AFG2A: variants seen among roughly 807,000 people sequenced by gnomAD.
AFG2A encodes AAA ATPase AFG2A, also known as ATPase family gene 2 protein homolog A.
the AFG2A span, among the ~76,000 whole-genome samples, chr4:123,281,323 G>C: frequency 0.011 from 1,708 of 152,118 alleles, 30 homozygotes; most frequent in African/African-American, 0.038. Context: ...CAAATGGCTC[G>C]CAAAAATTCT....
chr4:123,090,420 A>C, the AFG2A span, among the ~76,000 whole-genome samples: 1 of 152,204 alleles, frequency 6.6e-6, no homozygotes, highest in East Asian at 1.9e-4. Flanking sequence ...GTTTGTTTTG[A>C]GATATGATAA....
At chr4:123,319,149 T>C in the AFG2A span, 1 of 152,240 alleles carries the variant, frequency 6.6e-6, no homozygotes, top group African/African-American at 2.4e-5. Context: ...AAACAGGTTT[T>C]AAAAATAATA....
chr4:123,161,550 A>G, the AFG2A span, among the ~76,000 whole-genome samples: 1 of 152,160 alleles, frequency 6.6e-6, no homozygotes, highest in African/African-American at 2.4e-5. Flanking sequence ...TATTTGAAGG[A>G]TGGTATCTTC....
chr4:123,197,508 G>A, the AFG2A span, among the ~76,000 whole-genome samples: 1 of 152,054 alleles, frequency 6.6e-6, no homozygotes, highest in African/African-American at 2.4e-5. Context: ...AGTGGCTCAC[G>A]CCTGTAATCC....
chr4:123,174,434 T>C, the AFG2A span, among the ~76,000 whole-genome samples: 7 of 148,746 alleles, frequency 4.7e-5, no homozygotes, highest in Admixed American at 4.7e-4. Flanking sequence ...AATAAGACTT[T>C]TGGGGAGCCT....
the AFG2A span, among the ~76,000 whole-genome samples, chr4:123,299,140 T>TGTGTGTGTGTGTGTGTG: frequency 8.6e-5 from 13 of 151,986 alleles, no homozygotes; most frequent in Admixed American, 4.6e-4. Context: ...TGTGTGTGTG[T>TGTGTGTGTGTGTGTGTG]GTGTGTGTGT....
At chr4:122,995,316 G>T in the AFG2A span, among the ~76,000 whole-genome samples, 3 of 151,844 alleles carry the variant, frequency 2.0e-5, no homozygotes, top group Non-Finnish European at 2.9e-5. Flanking sequence ...GGTTTCTTTT[G>T]ATTTGCTTCT....
the AFG2A span, chr4:122,979,464 C>T: frequency 6.9e-7 from 1 of 1,452,892 alleles, no homozygotes; most frequent in Non-Finnish European, 9.3e-7. Context: ...GGGAGACTGA[C>T]TTCCTAGGCT....
the AFG2A span, among the ~76,000 whole-genome samples, chr4:122,984,512 C>T: frequency 6.6e-6 from 1 of 152,170 alleles, no homozygotes; most frequent in Non-Finnish European, 1.5e-5. Context: ...TGAGAGTGAG[C>T]ATCCTTGTCT....
At chr4:123,232,401 G>A in the AFG2A span, among the ~76,000 whole-genome samples, 1 of 152,048 alleles carries the variant, frequency 6.6e-6, no homozygotes, top group Non-Finnish European at 1.5e-5. Context: ...AAAGCGAAGT[G>A]TGTTAAGAAC....
the AFG2A span, among the ~76,000 whole-genome samples, chr4:123,054,528 C>T: frequency 6.6e-6 from 1 of 151,880 alleles, no homozygotes; most frequent in African/African-American, 2.4e-5. Context: ...ACCATCCTGG[C>T]TAACACAGTG....
the AFG2A span, among the ~76,000 whole-genome samples, chr4:122,960,387 C>T: frequency 6.6e-6 from 1 of 152,186 alleles, no homozygotes; most frequent in African/African-American, 2.4e-5. Context: ...AAGATGCTTA[C>T]AACAATGTTT....
the AFG2A span, chr4:123,028,177 AT>A: frequency 5.0e-6 from 8 of 1,606,476 alleles, no homozygotes; most frequent in South Asian, 7.8e-5. Flanking sequence ...AAAATGTTCT[AT>A]TTTTCAGGTA....
the AFG2A span, among the ~76,000 whole-genome samples, chr4:123,129,421 A>G: frequency 6.6e-6 from 1 of 152,220 alleles, no homozygotes; most frequent in African/African-American, 2.4e-5. Flanking sequence ...GGTAATATTC[A>G]GCTGCAAGAG....
the AFG2A span, among the ~76,000 whole-genome samples, chr4:123,163,250 A>G: frequency 2.8e-4 from 43 of 152,314 alleles, no homozygotes; most frequent in Middle Eastern, 3.4e-3. Flanking sequence ...CCTGGCCAAC[A>G]TGGTGAAACC....
At chr4:123,163,968 C>G in the AFG2A span, among the ~76,000 whole-genome samples, 1 of 152,170 alleles carries the variant, frequency 6.6e-6, no homozygotes, top group Non-Finnish European at 1.5e-5. Flanking sequence ...ACCACTTAGA[C>G]CTGGTTTTTA....
the AFG2A span, among the ~76,000 whole-genome samples, chr4:123,299,642 C>G: frequency 1.3e-5 from 2 of 152,116 alleles, no homozygotes; most frequent in Non-Finnish European, 2.9e-5. Context: ...TGGTCTCTTT[C>G]CAATGATACT....
chr4:123,233,719 A>G, the AFG2A span, among the ~76,000 whole-genome samples: 1,693 of 149,138 alleles, frequency 0.011, 11 homozygotes, highest in African/African-American at 0.014. Flanking sequence ...ACATGGGTGT[A>G]TGTGTGTGTG....
At chr4:123,180,750 C>T in the AFG2A span, among the ~76,000 whole-genome samples, 2 of 152,106 alleles carry the variant, frequency 1.3e-5, no homozygotes, top group African/African-American at 4.8e-5. Flanking sequence ...GAAGTTTTAA[C>T]TAAACTTTAA....
Sources: allele counts gnomAD v4.1 joint callset (sites outside exome capture counted in the v4.1 genomes callset), GRCh38; gene constraint gnomAD v4.1.1; transcripts MANE v1.5; gene names NCBI Gene and HGNC (gene_info 2026-07-23, HGNC 2026-07-21).